The following SLC6A7 variants were observed in gnomAD, a reference collection of about 807,000 sequenced individuals.
The protein encoded by SLC6A7 is sodium-dependent proline transporter.
A neutral mutation model predicts 73.1 loss-of-function variants in SLC6A7; 58 were observed. The observed-to-expected ratio is 0.79, with a 90% CI of 0.64 to 0.99. The LOEUF (loss-of-function observed/expected upper bound fraction) is 0.99. Ranked by LOEUF, SLC6A7 falls within the 50% of genes least tolerant of loss-of-function variation. SLC6A7 has a pLI of 0.00. For missense variants in SLC6A7, 783 were observed against 831.4 expected (o/e 0.94, Z 0.72); for synonymous variants, 338 against 338.7 (o/e 1.00, Z 0.02).
chr5:150,202,450 G>A lies in SLC6A7; in HGVS notation c.962G>A (p.Arg321Lys). 3 of 1,613,668 alleles carry A rather than the reference G, an allele frequency of 1.9e-6. No individual in the cohort carries two copies. The highest frequency in any genetic ancestry group is 2.5e-6 in the Non-Finnish European group (3 of 1,179,536). Residue 321 changes from arginine to lysine, a missense_variant and splice_region_variant, in exon 7 of 14, where the codon AGA (arginine) becomes AAA (lysine). Transcript: ENST00000230671. Reference sequence around the variant, plus strand: ...AACACGTTTCACCAGAACATCTATAGGTCAGTGTCCCACAGCCTCCCAGAC... The same window carrying A: ...AACACGTTTCACCAGAACATCTATAAGTCAGTGTCCCACAGCCTCCCAGAC... Reference protein sequence around the residue: ...SYNTFHQNIYRDTFIVTLGNA... With the variant: ...SYNTFHQNIYKDTFIVTLGNA...
At chr5:150,198,795 T>A (rs933848100) in intron 4 of SLC6A7, among the ~76,000 whole-genome samples, 1 of 146,374 alleles carries the variant, frequency 6.8e-6, no homozygotes, top group African/African-American at 2.6e-5. Context: ...AACACAGTCA[T>A]GGCCAGGCCC....
intron 1 of SLC6A7, among the ~76,000 whole-genome samples, chr5:150,190,765 G>A (rs914764904): frequency 6.6e-6 from 1 of 152,176 alleles, no homozygotes; most frequent in Non-Finnish European, 1.5e-5. Context: ...CATCTGAGGG[G>A]TGGGGAGTGG....
At chr5:150,199,678 G>A (rs774821881) in intron 5 of SLC6A7, among the ~76,000 whole-genome samples, 2 of 152,220 alleles carry the variant, frequency 1.3e-5, no homozygotes, top group Non-Finnish European at 2.9e-5. Context: ...GAGTGTGAGT[G>A]CATGAGTTAG....
intron 1 of SLC6A7, among the ~76,000 whole-genome samples, chr5:150,192,550 A>G (rs558633002): frequency 1.3e-5 from 2 of 151,988 alleles, no homozygotes. Context: ...CCCCATCCTC[A>G]CTGTGCCAGC....
intron 4 of SLC6A7, among the ~76,000 whole-genome samples, chr5:150,198,047 AAGAG>A (rs1314662126): frequency 7.5e-6 from 1 of 132,636 alleles, no homozygotes; most frequent in South Asian, 2.5e-4. Context: ...TAAAAGAAGA[AAGAG>A]AAAGAAAGAA....
intron 4 of SLC6A7, among the ~76,000 whole-genome samples, chr5:150,198,053 AAG>A (rs1268606786): frequency 1.1e-4 from 4 of 36,892 alleles, no homozygotes; most frequent in Non-Finnish European, 2.4e-4. Flanking sequence ...AAGAAAGAGA[AAG>A]AAAGAAAGAA....
chr5:150,191,611 T>G (rs1752791034), intron 1 of SLC6A7, among the ~76,000 whole-genome samples: 3 of 152,106 alleles, frequency 2.0e-5, no homozygotes, highest in African/African-American at 7.2e-5. Context: ...TTTGTATTTT[T>G]AGTAGAGACG....
In SLC6A7 at chr5:150,204,947, G is replaced by A; in HGVS notation, c.1533+20G>A. On this transcript the variant is annotated intron_variant, in intron 12 of 13. Transcript: ENST00000230671. ...CTCTTGGTAACTGGGGAGGGCGGGA[G>A]GGTTTCTGGCTGGGGCCCCAGAATT... The A allele has an allele frequency of 7.4e-7, 1 of 1,347,480 alleles. No homozygotes were observed. The highest frequency in any genetic ancestry group is 1.1e-6 in the Non-Finnish European group (1 of 937,480). The allele number at this position is 1,347,480 out of a possible 1,614,324, so 83.5% of individuals were successfully genotyped here. A position where few individuals can be genotyped will look rare whatever the true frequency, so the allele number is the denominator to read the frequency against.
rs770781976 is a variant in SLC6A7, at chr5:150,209,591, AGAG to A, written c.1897_1899del (p.Glu633del). 6.0e-5 allele frequency: 97 copies of A among 1,610,416 alleles called. 1 individual carries two copies. Among genetic ancestry groups the A allele is most frequent in the Middle Eastern group, 1.7e-4 (1 of 6,052 alleles). On this transcript the variant is annotated inframe_deletion, in exon 14 of 14. Coordinates refer to ENST00000230671, the MANE Select transcript of SLC6A7 (RefSeq NM_014228.5). ...CCATCGAGGTGGACCGTGAGATTGCAGAGGAGGAGGAGTCGATGATGTGAGGCA... is the reference window on the plus strand; with the variant it reads ...CCATCGAGGTGGACCGTGAGATTGCAGAGGAGGAGTCGATGATGTGAGGCA...
chr5:150,195,513 T>C (rs1359825626), intron 2 of SLC6A7, among the ~76,000 whole-genome samples: 1 of 152,228 alleles, frequency 6.6e-6, no homozygotes, highest in African/African-American at 2.4e-5. Context: ...GCTGTGCCCA[T>C]CTCATTTAAC....
rs758697699 is a variant in SLC6A7, at chr5:150,204,883, T to C, written c.1489T>C (p.Tyr497His). The C allele has an allele frequency of 6.3e-7, 1 of 1,591,750 alleles. No homozygotes were observed. Among genetic ancestry groups the C allele is most frequent in the Non-Finnish European group, 8.6e-7 (1 of 1,165,584 alleles). Residue 497 changes from tyrosine (Y) to histidine (H), a missense_variant, in exon 12 of 14, where the codon TAC becomes CAC. By Grantham distance (83) the Tyr-to-His change is moderately conservative. Transcript: ENST00000230671. ...GATGCTGGGCTTCAAGCCGGGCCTC[T>C]ACTTCAGGGCCTGCTGGCTGTTCCT... Reference protein sequence around the residue: ...HMMLGFKPGLYFRACWLFLSP... With the variant: ...HMMLGFKPGLHFRACWLFLSP...
chr5:150,209,425 G>A lies in SLC6A7; in HGVS notation c.1721G>A (p.Arg574Gln), dbSNP rs562103441. ...CTGCAGCGGCTCCAACAGGCCAGCCGGCCGGCCATGGACTGGGGACCATCG... is the reference window on the plus strand; with the variant it reads ...CTGCAGCGGCTCCAACAGGCCAGCCAGCCGGCCATGGACTGGGGACCATCG... The part of the protein sequence containing the change: ...SLWERLQQAS[R>Q]PAMDWGPSLE... The change falls in exon 14 of 14, where the codon CGG becomes CAG. Residue 574 changes from arginine (R) to glutamine (Q), a missense_variant. Coordinates refer to ENST00000230671, the MANE Select transcript of SLC6A7 (RefSeq NM_014228.5). 107 of 1,613,600 alleles carry A rather than the reference G, an allele frequency of 6.6e-5. No homozygotes were observed. The Middle Eastern group carries it at 6.9e-4, about 10-fold the overall frequency.
chr5:150,206,033 G>A (rs1019911116), intron 13 of SLC6A7, among the ~76,000 whole-genome samples: 6 of 152,192 alleles, frequency 3.9e-5, no homozygotes, highest in Admixed American at 1.3e-4. Flanking sequence ...CTGGTGGCCC[G>A]GGATAGAATG....
At chr5:150,190,923 G>A (rs1343499581) in intron 1 of SLC6A7, among the ~76,000 whole-genome samples, 1 of 152,082 alleles carries the variant, frequency 6.6e-6, no homozygotes, top group East Asian at 1.9e-4. Context: ...AGACAGGGAG[G>A]GGGCTATCGG....
chr5:150,202,920 C>T (rs1381415600), intron 8 of SLC6A7, among the ~76,000 whole-genome samples: 2 of 152,104 alleles, frequency 1.3e-5, no homozygotes, highest in Admixed American at 1.3e-4. Flanking sequence ...ACTAAAAATA[C>T]AAAAAGTAGC....
chr5:150,204,419 G>A lies in SLC6A7; in HGVS notation c.1333-113G>A, dbSNP rs1753568017. On this transcript the variant is annotated intron_variant, in intron 10 of 13. Coordinates refer to ENST00000230671, the MANE Select transcript of SLC6A7 (RefSeq NM_014228.5). ...TGGGCTGGCAGCCAGTGGTCACCCT[G>A]TCATCTTGTGCTGTCAGCATGGCTG... 3.6e-6 allele frequency: 3 copies of A among 841,454 alleles called. 1 individual carries two copies. The highest frequency in any genetic ancestry group is 2.9e-5 in the South Asian group (2 of 68,184). The allele number at this position is 841,454 out of a possible 1,614,324, so 52.1% of individuals were successfully genotyped here.
Position 150,199,355 on chromosome 5 carries a change from T to C in SLC6A7, c.712T>C (p.Ser238Pro). Reference protein sequence around the residue: ...VFLCILKGVKSSGKVVYFTAT... With the variant: ...VFLCILKGVKPSGKVVYFTAT... ...CCTCTGTATCCTCAAGGGTGTGAAG[T>C]CTTCGGGCAAGGTGAAGCCTGGGAG... is the stretch of plus-strand genomic sequence containing the variant. Residue 238 changes from serine to proline, a missense_variant, in exon 5 of 14, where the codon TCT (serine) becomes CCT (proline). Coordinates refer to ENST00000230671, the MANE Select transcript of SLC6A7 (RefSeq NM_014228.5). The C allele has an allele frequency of 6.2e-7, 1 of 1,612,834 alleles. No individual in the cohort carries two copies. The highest frequency in any genetic ancestry group is 1.1e-5 in the South Asian group (1 of 90,806).
chr5:150,204,052 C>G lies in SLC6A7; in HGVS notation c.1332+14C>G, dbSNP rs200915962. The G allele has an allele frequency of 3.1e-4, 500 of 1,610,304 alleles. No individual in the cohort carries two copies. Among genetic ancestry groups the G allele is most frequent in the Non-Finnish European group, 3.9e-4 (456 of 1,178,122 alleles). On this transcript the variant is annotated intron_variant, in intron 10 of 13. Coordinates refer to ENST00000230671, the MANE Select transcript of SLC6A7 (RefSeq NM_014228.5). ...CTCACCACTGATGTGAGTGGCGCTA[C>G]AGGGAGGATGGCAGGTGGGCGGGAC...
chr5:150,198,138 A>AAAGC (rs1193370451), intron 4 of SLC6A7, among the ~76,000 whole-genome samples: 2 of 149,842 alleles, frequency 1.3e-5, no homozygotes, highest in African/African-American at 2.4e-5. Context: ...AGAAAGAAAG[A>AAAGC]AAGCAAAGCC....
Sources: gnomAD v4.1 joint callset for allele counts (sites outside exome capture counted in the v4.1 genomes callset) on GRCh38, gnomAD v4.1.1 for gene constraint, MANE v1.5 for transcripts, NCBI Gene and HGNC (gene_info 2026-07-23, HGNC 2026-07-21) for gene names.